GULP1: variants seen among roughly 807,000 people sequenced by gnomAD.
GULP1 encodes the protein GULP PTB domain containing engulfment adaptor 1.
Under a neutral mutation model 40.9 loss-of-function variants are expected in GULP1, and 19 were observed. The observed-to-expected ratio is 0.46, with a 90% CI of 0.32 to 0.68. The LOEUF is 0.68. GULP1 is among the 30% of genes least tolerant of loss of function. The probability of loss-of-function intolerance (pLI) is 0.03; values close to 1 mark genes in which losing one functional copy is unlikely to be tolerated. For synonymous variants in GULP1, 119 were observed against 117.6 expected (o/e 1.01, Z -0.08); for missense variants, 312 against 362.2 (o/e 0.86, Z 1.12).
chr2:188,566,006 C>G (rs531115652), intron 7 of GULP1, among the ~76,000 whole-genome samples: 1 of 151,986 alleles, frequency 6.6e-6, no homozygotes, highest in Non-Finnish European at 1.5e-5. Flanking sequence ...GAATCGTCAC[C>G]CATAATAGAT....
intron 11 of GULP1, chr2:188,590,508 T>G (rs1376886510): frequency 6.6e-6 from 1 of 152,202 alleles, no homozygotes; most frequent in African/African-American, 2.4e-5. Flanking sequence ...TTTTCATCTT[T>G]CATTTACAGA....
Position 188,477,532 on chromosome 2 carries a change from A to G in GULP1, c.-44-127A>G, listed in dbSNP as rs2061108747. The G allele has an allele frequency of 1.1e-5, 6 of 535,836 alleles. No individual in the cohort carries two copies. In the South Asian group the frequency reaches 1.5e-4, roughly 13 times the overall value. The allele number at this position is 535,836 out of a possible 1,614,324, so 33.2% of individuals were successfully genotyped here. A position where few individuals can be genotyped will look rare whatever the true frequency, so the allele number is the denominator to read the frequency against. On this transcript the variant is annotated intron_variant, in intron 2 of 11. Transcript: ENST00000409830. ...TTTCTTACCCAATGTCCTTTGAGGC[A>G]TTTTAGAATATTGTTTGTAAATATT...
At chr2:188,568,882 T>G (rs771993943) in intron 7 of GULP1, among the ~76,000 whole-genome samples, 2 of 152,116 alleles carry the variant, frequency 1.3e-5, no homozygotes, top group Non-Finnish European at 2.9e-5. Context: ...TTTCATTTCA[T>G]AGGCACTAAA....
intron 2 of GULP1, among the ~76,000 whole-genome samples, chr2:188,433,725 A>C (rs1456599194): frequency 6.6e-6 from 1 of 152,128 alleles, no homozygotes; most frequent in African/African-American, 2.4e-5. Context: ...GAAAGAAACC[A>C]AACTCTGTCA....
intron 1 of GULP1, among the ~76,000 whole-genome samples, chr2:188,383,430 T>C (rs1261175720): frequency 2.0e-5 from 3 of 152,170 alleles, no homozygotes; most frequent in Non-Finnish European, 4.4e-5. Flanking sequence ...AAATCATATG[T>C]GAAAGAGATA....
At chr2:188,365,819 A>C (rs967699887) in intron 1 of GULP1, among the ~76,000 whole-genome samples, 2 of 152,200 alleles carry the variant, frequency 1.3e-5, no homozygotes, top group African/African-American at 4.8e-5. Context: ...TGGAATCTCT[A>C]ATGTCAGAAA....
rs374280878 is a variant in GULP1 at position 188,302,854 on chromosome 2, A to G, written c.-172+10688A>G. Among the ~76,000 whole-genome samples the G allele has an allele frequency of 2.3e-4, 35 of 152,152 alleles. No homozygotes were observed. In the East Asian group the frequency reaches 6.2e-3, roughly 27 times the overall value. Reference sequence around the variant, plus strand: ...TCCCAGATGATATCTCATCACCCTAACCTTCATTCAGCAAGAATCCTGACT... The same window carrying G: ...TCCCAGATGATATCTCATCACCCTAGCCTTCATTCAGCAAGAATCCTGACT... On this transcript the variant is annotated intron_variant, in intron 1 of 11. Transcript: ENST00000409830.
intron 1 of GULP1, among the ~76,000 whole-genome samples, chr2:188,369,757 T>G (rs2047353721): frequency 6.6e-6 from 1 of 152,224 alleles, no homozygotes; most frequent in Non-Finnish European, 1.5e-5. Context: ...GTCTTTGGTT[T>G]TCTGCTCCAG....
At chr2:188,340,441 G>T (rs566614469) in intron 1 of GULP1, among the ~76,000 whole-genome samples, 61 of 152,138 alleles carry the variant, frequency 4.0e-4, no homozygotes, top group Non-Finnish European at 7.6e-4. Context: ...AGATGAGTGG[G>T]TGCAGGAGTT....
intron 1 of GULP1, among the ~76,000 whole-genome samples, chr2:188,324,196 A>T (rs534470092): frequency 6.6e-6 from 1 of 152,198 alleles, no homozygotes; most frequent in East Asian, 1.9e-4. Context: ...CCCTCATGCT[A>T]CTCATGCACA....
chr2:188,299,853 A>T (rs2035811225), intron 1 of GULP1, among the ~76,000 whole-genome samples: 1 of 152,204 alleles, frequency 6.6e-6, no homozygotes, highest in Non-Finnish European at 1.5e-5. Context: ...GCAGGCATTG[A>T]AAAGGGACAG....
At chr2:188,480,465 TTA>T (rs965847607) in intron 3 of GULP1, among the ~76,000 whole-genome samples, 6 of 151,434 alleles carry the variant, frequency 4.0e-5, no homozygotes, top group African/African-American at 1.5e-4. Flanking sequence ...TGTTTTTTTT[TTA>T]AATTAAATCT....
chr2:188,526,230 A>G (rs1235463541), intron 5 of GULP1, among the ~76,000 whole-genome samples: 1 of 152,130 alleles, frequency 6.6e-6, no homozygotes, highest in Non-Finnish European at 1.5e-5. Flanking sequence ...TTATGATGAC[A>G]AAGGCTTGGT....
intron 1 of GULP1, among the ~76,000 whole-genome samples, chr2:188,311,352 G>A (rs1326832556): frequency 3.3e-5 from 5 of 151,992 alleles, no homozygotes; most frequent in Non-Finnish European, 5.9e-5. Flanking sequence ...ATGCGCCACC[G>A]TGCCCAGCTA....
chr2:188,590,480 G>T (rs1215410327), intron 11 of GULP1: 1 of 152,102 alleles, frequency 6.6e-6, no homozygotes, highest in South Asian at 2.1e-4. Context: ...GAGTTAATAA[G>T]CCTAGTGAGA....
chr2:188,465,915 G>A (rs1353862365), intron 2 of GULP1, among the ~76,000 whole-genome samples: 1 of 152,046 alleles, frequency 6.6e-6, no homozygotes, highest in East Asian at 1.9e-4. Flanking sequence ...GGTAAAACCA[G>A]GTAGTGTGAG....
At chr2:188,529,071 C>T (rs1686898626) in intron 5 of GULP1, 26 bp from the exon 6 acceptor site, 1 of 980,104 alleles carries the variant, frequency 1.0e-6, no homozygotes, top group Non-Finnish European at 1.6e-6. Context: ...AGAAGTGTAG[C>T]TTTGTGAATA....
chr2:188,362,918 C>T (rs1449373792), intron 1 of GULP1, among the ~76,000 whole-genome samples: 2 of 151,376 alleles, frequency 1.3e-5, no homozygotes, highest in African/African-American at 2.4e-5. Flanking sequence ...TGAAGGAGAA[C>T]AGAATATGGA....
At chr2:188,447,510 G>T (rs1283552698) in intron 2 of GULP1, among the ~76,000 whole-genome samples, 1 of 152,090 alleles carries the variant, frequency 6.6e-6, no homozygotes, top group Non-Finnish European at 1.5e-5. Flanking sequence ...AGTCAGCCTG[G>T]TATAGTGGAA....
Sources: allele counts gnomAD v4.1 joint callset (sites outside exome capture counted in the v4.1 genomes callset), GRCh38; gene constraint gnomAD v4.1.1; transcripts MANE v1.5; gene names NCBI Gene and HGNC (gene_info 2026-07-23, HGNC 2026-07-21).